Variants in CEP290 observed in about 807,000 individuals in gnomAD.
CEP290 encodes the protein centrosomal protein 290.
In CEP290, 317 loss-of-function variants were observed where a neutral mutation model predicts 344.9. That is an observed-to-expected ratio of 0.92 (90% CI 0.84 to 1.01). CEP290 has a LOEUF of 1.01. Among genes scored for constraint, CEP290 ranks in the 50% least tolerant of loss-of-function variants. The pLI is 0.00. For synonymous variants in CEP290, 932 were observed against 895.8 expected, an observed-to-expected ratio of 1.04 and a Z score of -0.72; for missense variants, 2,754 against 2,761.4, an observed-to-expected ratio of 1.00 and a Z score of 0.06.
chr12:88,108,178 C>T (rs147646195), intron 23 of CEP290, among the ~76,000 whole-genome samples: 1 of 152,210 alleles, frequency 6.6e-6, no homozygotes, highest in Non-Finnish European at 1.5e-5. Flanking sequence ...GAGCATTCCA[C>T]AAACATGTGT....
At chr12:88,105,451 T>TC (rs2038205190) in intron 25 of CEP290, among the ~76,000 whole-genome samples, 1 of 152,234 alleles carries the variant, frequency 6.6e-6, no homozygotes, top group Non-Finnish European at 1.5e-5. Context: ...TTATCTTGCC[T>TC]TTGTAGTAGG....
Position 88,120,129 on chromosome 12 carries a change from G to C in CEP290, c.1507C>G (p.Leu503Val). The change falls in exon 15 of 54, where the codon CTT becomes GTT. Residue 503 changes from leucine (L) to valine (V), a missense_variant. By Grantham distance (32) the Leu-to-Val change is conservative. Coordinates refer to ENST00000552810, the MANE Select transcript of CEP290 (RefSeq NM_025114.4). ...ISDFLDENEA[L>V]RERVGLEPKT... ...CATGGCTTACCCACACGCTCTCTAAGTGCCTCATTTTCATCAAGGAAATCA... is the reference window on the plus strand; with the variant it reads ...CATGGCTTACCCACACGCTCTCTAACTGCCTCATTTTCATCAAGGAAATCA... 6.5e-7 allele frequency: 1 copy of C among 1,547,650 alleles called. No individual in the cohort carries two copies. The highest frequency in any genetic ancestry group is 8.7e-7 in the Non-Finnish European group (1 of 1,145,452).
In CEP290 at chr12:88,106,859, A is replaced by AT. The variant is rs1404507934; in HGVS notation, c.2632dup (p.Ile878AsnfsTer6). 7.5e-6 allele frequency: 12 copies of AT among 1,607,256 alleles called. No homozygotes were observed. Among genetic ancestry groups the AT allele is most frequent in the East Asian group, 2.2e-5 (1 of 44,734 alleles). ...AATTTTCCTACTATTTTCTGCAAGT[A>AT]TTTTTTTCATTTCATCCGAATCCAT... On this transcript the variant is annotated frameshift_variant, in exon 25 of 54. Transcript: ENST00000552810. LOFTEE classifies it high-confidence loss of function.
At chr12:88,080,442 T>G (rs533875298) in intron 37 of CEP290, 47 bp from the exon 38 acceptor site, 1 of 1,429,930 alleles carries the variant, frequency 7.0e-7, no homozygotes, top group Non-Finnish European at 9.6e-7. Context: ...AATTTTTAAT[T>G]TTTTTGAGAC....
chr12:88,069,915 C>G (rs1200563237), intron 43 of CEP290, among the ~76,000 whole-genome samples: 1 of 152,074 alleles, frequency 6.6e-6, no homozygotes, highest in East Asian at 1.9e-4. Flanking sequence ...GAAGAAATAG[C>G]AAATCACGTA....
In CEP290 at chr12:88,092,667, T is replaced by C. The variant is rs1469392631; in HGVS notation, c.3461+14A>G. The stretch of plus-strand genomic sequence containing the variant: ...ACATCTAGTCAAATGGCTAAAATGC[T>C]TATATGCACTTACTTTGACACTTCA... On this transcript the variant is annotated intron_variant, in intron 29 of 53. Transcript: ENST00000552810. 1 of 1,596,608 alleles carries C rather than the reference T, an allele frequency of 6.3e-7. No individual in the cohort carries two copies. Among genetic ancestry groups the C allele is most frequent in the Non-Finnish European group, 8.5e-7 (1 of 1,172,744 alleles).
chr12:88,084,586 C>T lies in CEP290; in HGVS notation c.4704G>A (p.Glu1568=), dbSNP rs1592836704. The change falls in exon 35 of 54, where the codon GAG becomes GAA. Residue 1568 remains glutamate (E), a splice_region_variant and synonymous_variant. Coordinates refer to ENST00000552810, the MANE Select transcript of CEP290 (RefSeq NM_025114.4). ...KYQRLLEKAR[E]EQREIVKKHE... is the part of the protein sequence containing the mutation. ...CATAACTCATAATATAATAAAATACCTCTCTGGCTTTTTCTAGAAGACGTT... is the reference window on the plus strand; with the variant it reads ...CATAACTCATAATATAATAAAATACTTCTCTGGCTTTTTCTAGAAGACGTT... 16 of 1,604,940 alleles carry T rather than the reference C, an allele frequency of 1.0e-5. No individual in the cohort carries two copies. The highest frequency in any genetic ancestry group is 1.3e-5 in the African/African-American group (1 of 74,698).
At chr12:88,067,156 A>G (rs957566284) in intron 44 of CEP290, among the ~76,000 whole-genome samples, 1 of 152,072 alleles carries the variant, frequency 6.6e-6, no homozygotes, top group Non-Finnish European at 1.5e-5. Context: ...AATCAACTCT[A>G]AAGTACCTTA....
chr12:88,102,108 A>C (rs1292050205), intron 26 of CEP290, among the ~76,000 whole-genome samples: 1 of 152,152 alleles, frequency 6.6e-6, no homozygotes, highest in Non-Finnish European at 1.5e-5. Flanking sequence ...ATAAGCCTCT[A>C]TTTCTGATGA....
At chr12:88,058,760 C>A (rs1172515558) in intron 49 of CEP290, 88 bp downstream of exon 49, 36 of 1,279,472 alleles carry the variant, frequency 2.8e-5, no homozygotes, top group Non-Finnish European at 3.8e-5. Flanking sequence ...AGGAAGAAAC[C>A]AGGTTATCCA....
In CEP290 at chr12:88,089,154, C is replaced by T. The variant is rs980836821; in HGVS notation, c.3907G>A (p.Glu1303Lys). ...TGTTCTTGTTGAGAATTTTTCATTT[C>T]TTGCATTATCTTAAGTTTGTCATTT... ...LQNDKLKIMQ[E>K]MKNSQQEHRN... The change falls in exon 31 of 54, where the codon GAA (glutamate) becomes AAA (lysine). Residue 1303 changes from glutamate to lysine, a missense_variant. Transcript: ENST00000552810. 26 of 1,601,530 alleles carry T rather than the reference C, an allele frequency of 1.6e-5. No individual in the cohort carries two copies. Among genetic ancestry groups the T allele is most frequent in the Non-Finnish European group, 2.1e-5 (25 of 1,175,686 alleles).
At chr12:88,122,930 A>G (rs868017176) in intron 13 of CEP290, among the ~76,000 whole-genome samples, 1 of 152,014 alleles carries the variant, frequency 6.6e-6, no homozygotes, top group African/African-American at 2.4e-5. Context: ...ATCTTCTCCT[A>G]TCCTCACCTT....
At chr12:88,060,198 A>G (rs1202257918) in intron 47 of CEP290, among the ~76,000 whole-genome samples, 178 bp from the exon 48 acceptor site, 1 of 152,246 alleles carries the variant, frequency 6.6e-6, no homozygotes, top group Non-Finnish European at 1.5e-5. Flanking sequence ...GCTACATATT[A>G]GAATAAATTG....
intron 18 of CEP290, chr12:88,115,621 A>G (rs1243094363): frequency 8.7e-7 from 1 of 1,147,794 alleles, no homozygotes; most frequent in African/African-American, 1.6e-5. Context: ...ATATCAATGT[A>G]CTGCATTTTA....
At chr12:88,088,027 G>T (rs1317308159) in intron 31 of CEP290, 83 bp from the exon 32 acceptor site, 3 of 496,060 alleles carry the variant, frequency 6.0e-6, no homozygotes, top group Non-Finnish European at 9.8e-6. Flanking sequence ...GATTTTAATT[G>T]AAAGTAATGG....
intron 26 of CEP290, among the ~76,000 whole-genome samples, chr12:88,101,248 G>A (rs181713089): frequency 3.7e-4 from 56 of 151,912 alleles, no homozygotes; most frequent in African/African-American, 1.2e-3. Context: ...TTAGGAGGCC[G>A]AGGCGGGTGG....
Position 88,049,419 on chromosome 12 carries a change from T to G in CEP290, c.7210-5A>C. Reference sequence around the variant, plus strand: ...TTTCAGCTTCTTTATTTCCTCCTAATGGAAACATTATCTTTAAAAGTTGCA... The same window carrying G: ...TTTCAGCTTCTTTATTTCCTCCTAAGGGAAACATTATCTTTAAAAGTTGCA... On this transcript the variant is annotated splice_region_variant and splice_polypyrimidine_tract_variant and intron_variant, in intron 53 of 53. Coordinates refer to ENST00000552810, the MANE Select transcript of CEP290 (RefSeq NM_025114.4). 7.6e-7 allele frequency: 1 copy of G among 1,315,848 alleles called. No homozygotes were observed. The highest frequency in any genetic ancestry group is 1.1e-6 in the Non-Finnish European group (1 of 945,198). The allele number at this position is 1,315,848 out of a possible 1,614,324, so 81.5% of individuals were successfully genotyped here.
intron 13 of CEP290, among the ~76,000 whole-genome samples, chr12:88,123,882 C>T (rs558678062): frequency 6.6e-6 from 1 of 152,196 alleles, no homozygotes; most frequent in South Asian, 2.1e-4. Context: ...CACAACCCCA[C>T]CATGACCAAA....
chr12:88,107,017 A>G lies in CEP290; in HGVS notation c.2565T>C (p.Ala855=). 1 of 1,550,704 alleles carries G rather than the reference A, an allele frequency of 6.4e-7. No homozygotes were observed. The highest frequency in any genetic ancestry group is 8.7e-7 in the Non-Finnish European group (1 of 1,148,010). Residue 855 remains alanine (A), a synonymous_variant, in exon 24 of 54, where the codon GCT becomes GCC. Transcript: ENST00000552810. The stretch of plus-strand genomic sequence containing the variant: ...TTACATTATATTCTTTTACTTTTAT[A>G]GCATCTTGTTGGACTTGATCCTCAA... ...RKLEDQVQQD[A]IKVKEYNNLL... is the part of the protein sequence containing the mutation.
Sources: allele counts gnomAD v4.1 joint callset (sites outside exome capture counted in the v4.1 genomes callset), GRCh38; gene constraint gnomAD v4.1.1; transcripts MANE v1.5; gene names NCBI Gene and HGNC (gene_info 2026-07-23, HGNC 2026-07-21).